The following MMP16 variants were observed in gnomAD, a reference collection of about 807,000 sequenced individuals.
The protein encoded by MMP16 is matrix metallopeptidase 16, also known as matrix metalloproteinase-16.
MMP16 carries 12 observed loss-of-function variants against 67.8 expected under a neutral mutation model. The ratio of observed to expected loss-of-function variants is 0.18; its 90% CI spans 0.11 to 0.29. MMP16 has a LOEUF of 0.29. Among genes scored for constraint, MMP16 ranks in the 10% least tolerant of loss-of-function variants. The pLI is 1.00. For missense variants in MMP16, 475 were observed against 765.7 expected (o/e 0.62, Z 4.48); for synonymous variants, 249 against 255.9 (o/e 0.97, Z 0.26).
At chr8:88,189,062 T>G (rs577948916) in intron 2 of MMP16, among the ~76,000 whole-genome samples, 1 of 152,336 alleles carries the variant, frequency 6.6e-6, no homozygotes, top group South Asian at 2.1e-4. Flanking sequence ...TATAGTTGTT[T>G]GCTTGTGTTC....
At chr8:88,132,139 T>A (rs28907618) in intron 4 of MMP16, among the ~76,000 whole-genome samples, 12,040 of 151,900 alleles carry the variant, frequency 0.079, 561 homozygotes, top group East Asian at 0.16. Context: ...AGAGATTTTT[T>A]AAAATATGCC....
At chr8:88,098,477 C>T (rs1809072901) in intron 6 of MMP16, among the ~76,000 whole-genome samples, 1 of 151,972 alleles carries the variant, frequency 6.6e-6, no homozygotes, top group Admixed American at 6.6e-5. Context: ...CAGCCCCTTC[C>T]CTAAACAAAC....
intron 1 of MMP16, among the ~76,000 whole-genome samples, chr8:88,263,908 C>T (rs113810419): frequency 9.2e-5 from 14 of 151,824 alleles, no homozygotes; most frequent in Middle Eastern, 3.4e-3. Flanking sequence ...ATGTGTAGTA[C>T]GCCTGACTGA....
intron 2 of MMP16, among the ~76,000 whole-genome samples, chr8:88,191,341 T>A (rs965518237): frequency 2.0e-5 from 3 of 152,204 alleles, no homozygotes; most frequent in African/African-American, 7.2e-5. Flanking sequence ...TTGTGAAGAA[T>A]GAATTAGTTA....
intron 4 of MMP16, among the ~76,000 whole-genome samples, chr8:88,156,681 T>C (rs549629386): frequency 4.9e-4 from 75 of 152,184 alleles, no homozygotes; most frequent in African/African-American, 1.8e-3. Context: ...GGCTATTAAA[T>C]CATTAATTCA....
chr8:88,070,823 A>T (rs564558346), intron 7 of MMP16, among the ~76,000 whole-genome samples: 19 of 152,202 alleles, frequency 1.2e-4, no homozygotes, highest in African/African-American at 4.3e-4. Flanking sequence ...GTCTTTGAAA[A>T]TCATTTTTTA....
At chr8:88,272,944 A>G (rs769267335) in intron 1 of MMP16, among the ~76,000 whole-genome samples, 3 of 152,138 alleles carry the variant, frequency 2.0e-5, no homozygotes, top group Non-Finnish European at 4.4e-5. Flanking sequence ...AAATCAAAGG[A>G]AAGAGAACTG....
At chr8:88,208,403 C>T (rs1364568376) in intron 1 of MMP16, among the ~76,000 whole-genome samples, 1 of 152,134 alleles carries the variant, frequency 6.6e-6, no homozygotes, top group Non-Finnish European at 1.5e-5. Flanking sequence ...CAGGAAGTAC[C>T]TTGCCAGTAA....
chr8:88,298,677 G>A (rs1018127024), intron 1 of MMP16, among the ~76,000 whole-genome samples: 3 of 152,160 alleles, frequency 2.0e-5, no homozygotes, highest in Non-Finnish European at 2.9e-5. Context: ...TGAGACCTCT[G>A]CTCCATGGCA....
intron 6 of MMP16, among the ~76,000 whole-genome samples, chr8:88,083,203 TACAC>T (rs1483977242): frequency 1.3e-5 from 2 of 149,698 alleles, no homozygotes; most frequent in Admixed American, 6.9e-5. Context: ...TTTAAACACA[TACAC>T]AAACAGAATT....
intron 6 of MMP16, among the ~76,000 whole-genome samples, chr8:88,097,120 T>A (rs1285254894): frequency 6.6e-6 from 1 of 151,938 alleles, no homozygotes; most frequent in Non-Finnish European, 1.5e-5. Context: ...CTTTTATTGA[T>A]CTCTATTGGA....
chr8:88,278,691 A>G (rs1169417931), intron 1 of MMP16, among the ~76,000 whole-genome samples: 1 of 152,218 alleles, frequency 6.6e-6, no homozygotes, highest in Non-Finnish European at 1.5e-5. Flanking sequence ...AAATGGAATA[A>G]TGATGACAGA....
At chr8:88,245,002 A>G (rs535885167) in intron 1 of MMP16, among the ~76,000 whole-genome samples, 2 of 152,126 alleles carry the variant, frequency 1.3e-5, no homozygotes, top group African/African-American at 2.4e-5. Context: ...GAGGTCGGGT[A>G]GGGGCAGGTG....
intron 1 of MMP16, among the ~76,000 whole-genome samples, chr8:88,208,498 C>T (rs982413391): frequency 6.6e-6 from 1 of 152,128 alleles, no homozygotes; most frequent in African/African-American, 2.4e-5. Context: ...AAATCCAACA[C>T]TGAAGGTGTC....
At chr8:88,201,551 A>AT (rs910495575) in intron 1 of MMP16, among the ~76,000 whole-genome samples, 11 of 152,038 alleles carry the variant, frequency 7.2e-5, no homozygotes, top group African/African-American at 1.2e-4. Context: ...TTGGGAAACA[A>AT]TTTTTTTAAA....
chr8:88,081,473 G>C (rs1808750165), intron 6 of MMP16, among the ~76,000 whole-genome samples: 1 of 152,070 alleles, frequency 6.6e-6, no homozygotes, highest in African/African-American at 2.4e-5. Context: ...AAAAATTGAT[G>C]ATGGTCTGGC....
chr8:88,286,777 G>A (rs181429066), intron 1 of MMP16, among the ~76,000 whole-genome samples: 34 of 151,706 alleles, frequency 2.2e-4, no homozygotes, highest in African/African-American at 8.0e-4. Context: ...GGGTTTCACC[G>A]TGTTAGGATG....
At chr8:88,136,177 G>C (rs1289518904) in intron 4 of MMP16, among the ~76,000 whole-genome samples, 1 of 151,704 alleles carries the variant, frequency 6.6e-6, no homozygotes, top group African/African-American at 2.4e-5. Context: ...TGTCAAGAAA[G>C]AGATGACTAA....
At chr8:88,249,179 C>G (rs1399530314) in intron 1 of MMP16, among the ~76,000 whole-genome samples, 1 of 151,714 alleles carries the variant, frequency 6.6e-6, no homozygotes, top group Non-Finnish European at 1.5e-5. Flanking sequence ...TGTCATGCAG[C>G]ATGCCTGGTG....
Sources: allele counts gnomAD v4.1 joint callset (sites outside exome capture counted in the v4.1 genomes callset), GRCh38; gene constraint gnomAD v4.1.1; transcripts MANE v1.5; gene names NCBI Gene and HGNC (gene_info 2026-07-23, HGNC 2026-07-21).